The following TTC27 variants were observed in gnomAD, a reference collection of about 807,000 sequenced individuals.
TTC27 encodes tetratricopeptide repeat protein 27.
Under a neutral mutation model 115.9 loss-of-function variants are expected in TTC27, and 79 were observed. The observed-to-expected ratio is 0.68, with a 90% CI of 0.57 to 0.82. TTC27 has a LOEUF of 0.82. Ranked by LOEUF, TTC27 falls within the 40% of genes least tolerant of loss-of-function variation. TTC27 has a pLI of 0.00. For synonymous variants in TTC27, 401 were observed against 356.0 expected, an observed-to-expected ratio of 1.13 and a Z score of -1.42; for missense variants, 1,054 against 993.1, an observed-to-expected ratio of 1.06 and a Z score of -0.82.
intron 9 of TTC27, among the ~76,000 whole-genome samples, chr2:32,698,782 G>A (rs1482204155): frequency 6.6e-6 from 1 of 152,028 alleles, no homozygotes; most frequent in African/African-American, 2.4e-5. Flanking sequence ...GCCCGGCCAA[G>A]GAACGTGTTG....
chr2:32,786,835 T>A (rs892333912), intron 15 of TTC27, 149 bp from the exon 16 acceptor site: 4 of 682,458 alleles, frequency 5.9e-6, no homozygotes, highest in South Asian at 5.1e-5. Flanking sequence ...TTTGAGTTGG[T>A]TTTGTGTTGT....
At chr2:32,811,849 G>A (rs1465644924) in intron 17 of TTC27, among the ~76,000 whole-genome samples, 2 of 152,124 alleles carry the variant, frequency 1.3e-5, no homozygotes, top group South Asian at 2.1e-4. Context: ...CAAATCAAAT[G>A]TACTCCTTGC....
At chr2:32,720,404 C>G (rs1297800489) in intron 10 of TTC27, among the ~76,000 whole-genome samples, 1 of 151,652 alleles carries the variant, frequency 6.6e-6, no homozygotes, top group East Asian at 1.9e-4. Flanking sequence ...TGAGAGTTAG[C>G]TAAGTTAAAG....
chr2:32,772,162 C>T (rs1669850565), intron 13 of TTC27, among the ~76,000 whole-genome samples: 2 of 152,084 alleles, frequency 1.3e-5, no homozygotes, highest in African/African-American at 4.8e-5. Flanking sequence ...TTTTTGCTAG[C>T]CCTCAGGGTA....
At chr2:32,675,289 G>A (rs781143790) in intron 8 of TTC27, among the ~76,000 whole-genome samples, 2 of 152,046 alleles carry the variant, frequency 1.3e-5, no homozygotes, top group African/African-American at 4.8e-5. Flanking sequence ...TGTTATTTTG[G>A]CAAGTTCATA....
At chr2:32,678,988 C>A in intron 9 of TTC27, 66 bp downstream of exon 9, 2 of 1,403,590 alleles carry the variant, frequency 1.4e-6, no homozygotes, top group Non-Finnish European at 2.0e-6. Flanking sequence ...CTGGTATGGT[C>A]TTGCCTTGGA....
intron 13 of TTC27, among the ~76,000 whole-genome samples, chr2:32,770,790 G>A (rs1173306428): frequency 6.6e-6 from 1 of 152,120 alleles, no homozygotes; most frequent in Non-Finnish European, 1.5e-5. Context: ...CTTTTGAAAG[G>A]ATAAAATATT....
intron 10 of TTC27, among the ~76,000 whole-genome samples, chr2:32,722,152 C>T (rs1314744107): frequency 6.6e-6 from 1 of 152,188 alleles, no homozygotes; most frequent in Non-Finnish European, 1.5e-5. Flanking sequence ...GAAACCTGAA[C>T]AACATTGAGA....
chr2:32,799,785 CGTA>C (rs1670859549), intron 16 of TTC27, among the ~76,000 whole-genome samples: 1 of 152,010 alleles, frequency 6.6e-6, no homozygotes, highest in African/African-American at 2.4e-5. Flanking sequence ...GAATTTAATA[CGTA>C]ATAATGATGG....
At chr2:32,779,951 G>A (rs1329391335) in intron 14 of TTC27, 2 of 284,970 alleles carry the variant, frequency 7.0e-6, no homozygotes, top group African/African-American at 4.3e-5. Flanking sequence ...TCAGTTTACT[G>A]TAAATGTAAG....
intron 13 of TTC27, among the ~76,000 whole-genome samples, chr2:32,773,388 G>T (rs1423957931): frequency 6.6e-6 from 1 of 152,204 alleles, no homozygotes; most frequent in African/African-American, 2.4e-5. Context: ...GAGCGTTTGT[G>T]GGGGAAGAGA....
chr2:32,800,967 G>T (rs530905834), intron 16 of TTC27, among the ~76,000 whole-genome samples: 8 of 152,292 alleles, frequency 5.3e-5, no homozygotes, highest in Admixed American at 5.2e-4. Flanking sequence ...AAGATCAAGA[G>T]ATTTGATATT....
intron 10 of TTC27, among the ~76,000 whole-genome samples, chr2:32,732,872 A>G (rs950831345): frequency 7.9e-5 from 12 of 152,372 alleles, no homozygotes; most frequent in Non-Finnish European, 1.3e-4. Flanking sequence ...TGGCAAAAAA[A>G]GAAAATTTGA....
intron 13 of TTC27, among the ~76,000 whole-genome samples, chr2:32,767,995 A>G (rs1325281637): frequency 6.6e-6 from 1 of 152,216 alleles, no homozygotes; most frequent in Admixed American, 6.5e-5. Context: ...TTAGGAAAAA[A>G]TAAAAAATAC....
chr2:32,640,337 C>G lies in TTC27; in HGVS notation c.464C>G (p.Thr155Ser). 2 of 1,613,960 alleles carry G rather than the reference C, an allele frequency of 1.2e-6. No individual in the cohort carries two copies. The highest frequency in any genetic ancestry group is 2.2e-5 in the South Asian group (2 of 91,074). ...GATGGTGAATCAATCTACAGCCTGA[C>G]CTCGAAGCCTATACTACTGTTATTA... is the stretch of plus-strand genomic sequence containing the variant. ...TLDGESIYSL[T>S]SKPILLLLAR... The change falls in exon 4 of 20, where the codon ACC (threonine) becomes AGC (serine). Residue 155 changes from threonine to serine, a missense_variant. Transcript: ENST00000317907.
chr2:32,715,878 T>A (rs183496315), intron 10 of TTC27, among the ~76,000 whole-genome samples: 11 of 151,666 alleles, frequency 7.3e-5, no homozygotes, highest in African/African-American at 1.9e-4. Flanking sequence ...TTTTTTTTTT[T>A]AATACTGATG....
At chr2:32,692,161 G>A (rs1477094246) in intron 9 of TTC27, among the ~76,000 whole-genome samples, 1 of 147,320 alleles carries the variant, frequency 6.8e-6, no homozygotes, top group Non-Finnish European at 1.5e-5. Context: ...GATTATAGGC[G>A]TGAGCCACCA....
chr2:32,811,126 G>A lies in TTC27; in HGVS notation c.2101G>A (p.Val701Met). Residue 701 changes from valine (V) to methionine (M), a missense_variant, in exon 17 of 20, where the codon GTG becomes ATG. Transcript: ENST00000317907. ...AAAGCTGCAGGAGTTATTTGGCAGAGTGACTTCAAGAGTGACAAATGATGG... is the reference window on the plus strand; with the variant it reads ...AAAGCTGCAGGAGTTATTTGGCAGAATGACTTCAAGAGTGACAAATGATGG... Reference protein sequence around the residue: ...KGKLQELFGRVTSRVTNDGEI... With the variant: ...KGKLQELFGRMTSRVTNDGEI... The A allele has an allele frequency of 6.2e-7, 1 of 1,614,194 alleles. No individual in the cohort carries two copies. Among genetic ancestry groups the A allele is most frequent in the Non-Finnish European group, 8.5e-7 (1 of 1,180,038 alleles).
chr2:32,632,653 C>G (rs1328874881), intron 2 of TTC27, among the ~76,000 whole-genome samples: 2 of 151,992 alleles, frequency 1.3e-5, no homozygotes, highest in Non-Finnish European at 2.9e-5. Context: ...TTTTTGCTAC[C>G]ATAGGCTTGT....
Sources: gnomAD v4.1 joint callset for allele counts (sites outside exome capture counted in the v4.1 genomes callset) on GRCh38, gnomAD v4.1.1 for gene constraint, MANE v1.5 for transcripts, NCBI Gene and HGNC (gene_info 2026-07-23, HGNC 2026-07-21) for gene names.